Variants in FOXN3 observed in about 807,000 individuals in gnomAD.
FOXN3 encodes the protein forkhead box protein N3.
A neutral mutation model predicts 38.4 loss-of-function variants in FOXN3; 7 were observed. That is an observed-to-expected ratio of 0.18 (90% confidence interval 0.10 to 0.34). FOXN3 has a LOEUF of 0.34. FOXN3 is among the 10% of genes least tolerant of loss of function. The pLI is 1.00. For missense variants in FOXN3, 456 were observed against 613.4 expected, an observed-to-expected ratio of 0.74 and a Z score of 2.71; for synonymous variants, 230 against 242.2, an observed-to-expected ratio of 0.95 and a Z score of 0.47.
chr14:89,233,064 A>T (rs1884866280), intron 4 of FOXN3, among the ~76,000 whole-genome samples: 2 of 152,202 alleles, frequency 1.3e-5, no homozygotes, highest in African/African-American at 4.8e-5. Context: ...TACTGATAGA[A>T]ATTACATTCG....
At chr14:89,605,397 T>C (rs1271862213) in intron 1 of FOXN3, among the ~76,000 whole-genome samples, 6 of 151,612 alleles carry the variant, frequency 4.0e-5, no homozygotes, top group Non-Finnish European at 7.4e-5. Flanking sequence ...AAATGAATCA[T>C]ATAGAGAATA....
At chr14:89,425,066 T>TC (rs35973288) in intron 1 of FOXN3, among the ~76,000 whole-genome samples, 10,148 of 132,394 alleles carry the variant, frequency 0.077, 337 homozygotes, top group Non-Finnish European at 0.095. Context: ...TCTTTTCTTT[T>TC]TTTTTTTTTT....
intron 1 of FOXN3, among the ~76,000 whole-genome samples, chr14:89,445,838 T>C (rs1892480745): frequency 6.6e-6 from 1 of 151,664 alleles, no homozygotes; most frequent in Non-Finnish European, 1.5e-5. Flanking sequence ...CCCAGCACTT[T>C]GGGAGGCCCA....
chr14:89,314,999 A>C (rs551033886), intron 3 of FOXN3, among the ~76,000 whole-genome samples: 1 of 152,178 alleles, frequency 6.6e-6, no homozygotes, highest in South Asian at 2.1e-4. Context: ...CCTCCCCAGT[A>C]ATCATGTCTC....
intron 3 of FOXN3, chr14:89,290,926 G>T: frequency 3.3e-6 from 1 of 307,110 alleles, no homozygotes; most frequent in East Asian, 9.1e-5. Context: ...AGGATGTGGA[G>T]AAAGGTCAGG....
intron 1 of FOXN3, among the ~76,000 whole-genome samples, chr14:89,479,608 A>C (rs991430748): frequency 7.2e-5 from 11 of 152,138 alleles, no homozygotes; most frequent in Admixed American, 4.6e-4. Context: ...CTGTATTTAG[A>C]ATACAAACTC....
intron 4 of FOXN3, among the ~76,000 whole-genome samples, chr14:89,202,712 T>C (rs2139820922): frequency 6.6e-6 from 1 of 152,180 alleles, no homozygotes; most frequent in East Asian, 1.9e-4. Flanking sequence ...CCTTCCCCCA[T>C]CTCTCTCGTG....
At chr14:89,336,216 C>CTCCAACCATCCATCCA (rs150227035) in intron 3 of FOXN3, among the ~76,000 whole-genome samples, 25 of 143,160 alleles carry the variant, frequency 1.7e-4, no homozygotes, top group African/African-American at 6.5e-4. Context: ...CTAACGGTGC[C>CTCCAACCATCCATCCA]TCCATCCATC....
At chr14:89,284,507 T>C in intron 3 of FOXN3, 1 of 455,984 alleles carries the variant, frequency 2.2e-6, no homozygotes, top group South Asian at 1.5e-5. Flanking sequence ...AGCACTAAAC[T>C]CTTAGTCATC....
chr14:89,448,731 G>T (rs1315913689), intron 1 of FOXN3, among the ~76,000 whole-genome samples: 1 of 151,910 alleles, frequency 6.6e-6, no homozygotes, highest in Admixed American at 6.6e-5. Flanking sequence ...TTGAGCCCAG[G>T]AGTTCAAGAC....
In FOXN3 at chr14:89,360,775, C is replaced by G. The variant is rs1566966459; in HGVS notation, c.544-9967G>C. On this transcript the variant is annotated intron_variant, in intron 2 of 5. Coordinates refer to ENST00000557258, the MANE Select transcript of FOXN3 (RefSeq NM_005197.4). The stretch of plus-strand genomic sequence containing the variant: ...ACCACCACCTCCACCACTACCACCT[C>G]CACCACCACCTCCACCACCACCACC... 7.3e-4 allele frequency among the ~76,000 whole-genome samples: 62 copies of G among 85,058 alleles called. 5 individuals are homozygous for G. Among genetic ancestry groups the G allele is most frequent in the African/African-American group, 1.6e-3 (34 of 20,784 alleles). The allele number at this position is 85,058 out of a possible 152,430, so 55.8% of individuals were successfully genotyped here. A position where few individuals can be genotyped will look rare whatever the true frequency, so the allele number is the denominator to read the frequency against.
intron 1 of FOXN3, among the ~76,000 whole-genome samples, chr14:89,524,243 G>A (rs1405467006): frequency 6.8e-6 from 1 of 146,882 alleles, no homozygotes; most frequent in Non-Finnish European, 1.5e-5. Flanking sequence ...GCGAGGTGGT[G>A]GGCGCCTGTA....
chr14:89,508,549 C>G (rs1054881693), intron 1 of FOXN3, among the ~76,000 whole-genome samples: 1 of 152,192 alleles, frequency 6.6e-6, no homozygotes, highest in African/African-American at 2.4e-5. Context: ...AGAGCTTGGG[C>G]AGAGCAGAGA....
At chr14:89,207,011 A>T (rs1294061715) in intron 4 of FOXN3, among the ~76,000 whole-genome samples, 1 of 152,214 alleles carries the variant, frequency 6.6e-6, no homozygotes, top group Non-Finnish European at 1.5e-5. Flanking sequence ...TTTAACAATA[A>T]GAACAACAAT....
chr14:89,433,380 A>G (rs1209300576), intron 1 of FOXN3, among the ~76,000 whole-genome samples: 1 of 152,160 alleles, frequency 6.6e-6, no homozygotes, highest in Non-Finnish European at 1.5e-5. Flanking sequence ...TACTCGGTAG[A>G]CTGAGGCAGA....
chr14:89,378,679 T>C (rs1267297859), intron 2 of FOXN3, among the ~76,000 whole-genome samples: 3 of 150,376 alleles, frequency 2.0e-5, no homozygotes, highest in African/African-American at 7.3e-5. Context: ...GCAGGGAAAA[T>C]GAGGTCACAT....
At chr14:89,290,008 C>T (rs12435424) in intron 3 of FOXN3, among the ~76,000 whole-genome samples, 1,910 of 152,194 alleles carry the variant, frequency 0.013, 40 homozygotes, top group African/African-American at 0.044. Context: ...GAACTAAAAT[C>T]GCACACACAC....
At chr14:89,333,524 C>A (rs1481966665) in intron 3 of FOXN3, among the ~76,000 whole-genome samples, 1 of 151,502 alleles carries the variant, frequency 6.6e-6, no homozygotes, top group African/African-American at 2.4e-5. Context: ...GCCTGTAATC[C>A]CAGCACTTGC....
At chr14:89,570,094 A>G (rs1286758405) in intron 1 of FOXN3, among the ~76,000 whole-genome samples, 1 of 150,332 alleles carries the variant, frequency 6.7e-6, no homozygotes. Context: ...TCCGCCTCCC[A>G]GGTTCAAGCG....
Sources: gnomAD v4.1 joint callset for allele counts (sites outside exome capture counted in the v4.1 genomes callset) on GRCh38, gnomAD v4.1.1 for gene constraint, MANE v1.5 for transcripts, NCBI Gene and HGNC (gene_info 2026-07-23, HGNC 2026-07-21) for gene names.